CEP20: variants seen among roughly 807,000 people sequenced by gnomAD.
The protein encoded by CEP20 is FGFR1OP N-terminal like.
In CEP20, 18 loss-of-function variants were observed where a neutral mutation model predicts 20.0. That is an observed-to-expected ratio of 0.90 (90% CI 0.62 to 1.34). CEP20 has a LOEUF of 1.34. Among genes scored for constraint, CEP20 ranks in the 40% most tolerant of loss-of-function variants. The probability of loss-of-function intolerance (pLI) is 0.00; values close to 1 mark genes in which losing one functional copy is unlikely to be tolerated. For missense variants in CEP20, 215 were observed against 201.6 expected (o/e 1.07, Z -0.40); for synonymous variants, 77 against 73.7 (o/e 1.04, Z -0.23).
intron 1 of CEP20, among the ~76,000 whole-genome samples, chr16:15,886,333 CA>C (rs1342284279): frequency 7.9e-5 from 12 of 152,218 alleles, no homozygotes; most frequent in Admixed American, 2.6e-4. Flanking sequence ...AGCATCCCTT[CA>C]ACCTTCTTGC....
intron 2 of CEP20, among the ~76,000 whole-genome samples, chr16:15,880,229 TTATAAA>T (rs1339068685): frequency 6.6e-6 from 1 of 152,188 alleles, no homozygotes; most frequent in Non-Finnish European, 1.5e-5. Context: ...GTGACAATAC[TTATAAA>T]TAAAAATTAA....
intron 2 of CEP20, among the ~76,000 whole-genome samples, chr16:15,882,605 T>C (rs898190184): frequency 6.6e-6 from 1 of 152,164 alleles, no homozygotes; most frequent in African/African-American, 2.4e-5. Flanking sequence ...TGTTTATTTA[T>C]AGCAATCCAA....
intron 1 of CEP20, among the ~76,000 whole-genome samples, chr16:15,884,633 T>C (rs1377017345): frequency 6.6e-6 from 1 of 152,068 alleles, no homozygotes; most frequent in Non-Finnish European, 1.5e-5. Flanking sequence ...TCCAGGGTAG[T>C]TGGGACTACA....
rs201020289 is a variant in CEP20 at position 15,873,516 on chromosome 16, T to A, written c.423A>T (p.Arg141Ser). Residue 141 changes from arginine (R) to serine (S), a missense_variant, in exon 4 of 5, where the codon AGA (arginine) becomes AGT (serine). By Grantham distance (110) the Arg-to-Ser change is moderately radical. Coordinates refer to ENST00000255759, the MANE Select transcript of CEP20 (RefSeq NM_144600.4). ...CCATTGGCTTTCTTCTACTAGGTTG[T>A]CTGCCAAGACTTGGGTCTGAAGGCT... ...SLQPSDPSLG[R>S]QPSRRKPMDD... 413 of 1,613,844 alleles carry A rather than the reference T, an allele frequency of 2.6e-4. 1 individual carries two copies. Among genetic ancestry groups the A allele is most frequent in the Middle Eastern group, 3.3e-4 (2 of 6,084 alleles).
chr16:15,888,295 C>T (rs919624271), intron 1 of CEP20, among the ~76,000 whole-genome samples: 1 of 152,122 alleles, frequency 6.6e-6, no homozygotes, highest in African/African-American at 2.4e-5. Context: ...GGCCTGTAGG[C>T]CTCTTAGATG....
At chr16:15,871,057 G>A (rs1228015054) in intron 4 of CEP20, among the ~76,000 whole-genome samples, 1 of 152,042 alleles carries the variant, frequency 6.6e-6, no homozygotes, top group African/African-American at 2.4e-5. Flanking sequence ...GAGGTCATGA[G>A]TTGGAGACCA....
At chr16:15,868,979 G>C (rs1181807959) in intron 4 of CEP20, among the ~76,000 whole-genome samples, 1 of 151,522 alleles carries the variant, frequency 6.6e-6, no homozygotes, top group Non-Finnish European at 1.5e-5. Flanking sequence ...GAGGTGGGAG[G>C]ATCACCTGGG....
At chr16:15,881,076 C>T (rs940223657) in intron 2 of CEP20, among the ~76,000 whole-genome samples, 8 of 152,096 alleles carry the variant, frequency 5.3e-5, no homozygotes, top group Non-Finnish European at 1.0e-4. Flanking sequence ...ACCATCCTCC[C>T]AGGTCCATGG....
intron 3 of CEP20, among the ~76,000 whole-genome samples, chr16:15,878,381 G>C (rs1346662406): frequency 6.6e-6 from 1 of 152,178 alleles, no homozygotes; most frequent in Non-Finnish European, 1.5e-5. Flanking sequence ...TACACACAAT[G>C]ACAAAGGTAG....
rs759312238 is a variant in CEP20, at chr16:15,867,500, C to CTTTCTTA, written c.458_464dup (p.Lys155AsnfsTer10). 35 of 1,604,110 alleles carry CTTTCTTA rather than the reference C, an allele frequency of 2.2e-5. No individual in the cohort carries two copies. The highest frequency in any genetic ancestry group is 1.8e-5 in the Non-Finnish European group (21 of 1,173,772). On this transcript the variant is annotated frameshift_variant, in exon 5 of 5. Coordinates refer to ENST00000255759, the MANE Select transcript of CEP20 (RefSeq NM_144600.4). LOFTEE classifies it low-confidence loss of function (END_TRUNC). ...CAATGTTAGTACTTTTCTGTTCCTCCTTTCTTAGGTGGTCATCTGAAATGC... is the reference window on the plus strand; with the variant it reads ...CAATGTTAGTACTTTTCTGTTCCTCCTTTCTTATTTCTTAGGTGGTCATCTGAAATGC...
intron 4 of CEP20, among the ~76,000 whole-genome samples, chr16:15,871,417 G>A (rs570626228): frequency 6.6e-6 from 1 of 152,062 alleles, no homozygotes; most frequent in Non-Finnish European, 1.5e-5. Flanking sequence ...AAAGTTAAAG[G>A]GAACTTTTTA....
rs548798678 is a variant in CEP20, at chr16:15,876,891, C to T, written c.311+2913G>A. ...TTTGGAAACGGAGTCTCGCTTCTGT[C>T]GCCCAGGCTGAGTGCAGTGGCACGA... On this transcript the variant is annotated intron_variant, in intron 3 of 4. Coordinates refer to ENST00000255759, the MANE Select transcript of CEP20 (RefSeq NM_144600.4). Among the ~76,000 whole-genome samples the T allele has an allele frequency of 3.5e-5, 5 of 143,668 alleles. No homozygotes were observed. In the South Asian group the frequency reaches 8.7e-4, roughly 25 times the overall value. The allele number at this position is 143,668 out of a possible 152,430, so 94.3% of individuals were successfully genotyped here. A position where few individuals can be genotyped will look rare whatever the true frequency, so the allele number is the denominator to read the frequency against.
chr16:15,886,888 A>G (rs1219077001), intron 1 of CEP20, among the ~76,000 whole-genome samples: 1 of 149,780 alleles, frequency 6.7e-6, no homozygotes, highest in Non-Finnish European at 1.5e-5. Context: ...TACCTTTTTT[A>G]TTTTATTTTT....
chr16:15,879,012 CTT>C (rs201473289), intron 3 of CEP20, among the ~76,000 whole-genome samples: 54 of 135,308 alleles, frequency 4.0e-4, no homozygotes, highest in Admixed American at 6.8e-4. Context: ...CTCCTATGTA[CTT>C]TTTTTTTTTT....
At chr16:15,883,749 C>T (rs1411815523) in intron 2 of CEP20, among the ~76,000 whole-genome samples, 3 of 152,048 alleles carry the variant, frequency 2.0e-5, no homozygotes, top group African/African-American at 7.2e-5. Context: ...CAGGACAAAA[C>T]GTCAACAATT....
At chr16:15,867,621 T>C (rs2044711780) in intron 4 of CEP20, 105 bp from the exon 5 acceptor site, 2 of 703,690 alleles carry the variant, frequency 2.8e-6, no homozygotes, top group Non-Finnish European at 4.7e-6. Flanking sequence ...TAATATTCTA[T>C]GAGTACTTTA....
At chr16:15,873,426 G>T (rs891932136) in intron 4 of CEP20, 65 bp downstream of exon 4, 1 of 1,558,098 alleles carries the variant, frequency 6.4e-7, no homozygotes, top group East Asian at 2.3e-5. Flanking sequence ...GACTCCAAAA[G>T]AAAAATATAT....
At chr16:15,887,115 G>A (rs2045264654) in intron 1 of CEP20, among the ~76,000 whole-genome samples, 1 of 151,986 alleles carries the variant, frequency 6.6e-6, no homozygotes, top group African/African-American at 2.4e-5. Context: ...ATGTTGGCCA[G>A]GCTGGTCTTA....
At chr16:15,880,009 C>G in intron 2 of CEP20, 121 bp from the exon 3 acceptor site, 1 of 632,838 alleles carries the variant, frequency 1.6e-6, no homozygotes, top group Non-Finnish European at 2.7e-6. Context: ...GATGACAACA[C>G]ACACCAAGAC....
Sources: allele counts gnomAD v4.1 joint callset (sites outside exome capture counted in the v4.1 genomes callset), GRCh38; gene constraint gnomAD v4.1.1; transcripts MANE v1.5; gene names NCBI Gene and HGNC (gene_info 2026-07-23, HGNC 2026-07-21).